DENND4C: variants seen among roughly 807,000 people sequenced by gnomAD.
The protein encoded by DENND4C is DENN domain-containing protein 4C.
In DENND4C, 108 loss-of-function variants were observed where a neutral mutation model predicts 203.0. The observed-to-expected ratio is 0.53, with a 90% CI of 0.46 to 0.62. The LOEUF (loss-of-function observed/expected upper bound fraction) is 0.62, where lower values mean the gene tolerates loss of function less well. Among genes scored for constraint, DENND4C ranks in the 20% least tolerant of loss-of-function variants. The pLI is 0.00. For synonymous variants in DENND4C, 871 were observed against 792.4 expected, an observed-to-expected ratio of 1.10 and a Z score of -1.67; for missense variants, 2,481 against 2,301.2, an observed-to-expected ratio of 1.08 and a Z score of -1.60.
intron 1 of DENND4C, among the ~76,000 whole-genome samples, chr9:19,257,218 C>T (rs112781579): frequency 1.3e-4 from 19 of 149,896 alleles, no homozygotes; most frequent in African/African-American, 3.9e-4. Context: ...AGGCCGGGTG[C>T]GGTGGCTTGC....
rs1009526321 is a variant in DENND4C, at chr9:19,301,249, A to C, written c.1311+918A>C. ...TTTATAGGCCATTGTATAGAACTTT[A>C]GATGGTCCACTTCTCCAACCCTATC... On this transcript the variant is annotated intron_variant, in intron 9 of 32. Transcript: ENST00000434457. 2.0e-5 allele frequency among the ~76,000 whole-genome samples: 3 copies of C among 151,990 alleles called. No individual in the cohort carries two copies. In the South Asian group the frequency reaches 6.2e-4, roughly 31 times the overall value.
chr9:19,261,368 G>GATTT, intron 1 of DENND4C, among the ~76,000 whole-genome samples: 1 of 149,722 alleles, frequency 6.7e-6, no homozygotes, highest in East Asian at 1.9e-4. Context: ...TAAATTTTAG[G>GATTT]ATTTATTTTT....
At chr9:19,249,243 C>T (rs551737877) in intron 1 of DENND4C, among the ~76,000 whole-genome samples, 7 of 151,702 alleles carry the variant, frequency 4.6e-5, no homozygotes, top group African/African-American at 1.4e-4. Flanking sequence ...ATTAATATAC[C>T]AGTAGTAATT....
At chr9:19,364,500 G>A (rs1827198571) in intron 30 of DENND4C, among the ~76,000 whole-genome samples, 1 of 152,038 alleles carries the variant, frequency 6.6e-6, no homozygotes, top group Non-Finnish European at 1.5e-5. Context: ...TTTGAGACAG[G>A]GTCATGTCTC....
intron 1 of DENND4C, among the ~76,000 whole-genome samples, chr9:19,251,419 G>A (rs1826558948): frequency 6.6e-6 from 1 of 152,228 alleles, no homozygotes; most frequent in Non-Finnish European, 1.5e-5. Flanking sequence ...TGATGGGAGA[G>A]GCTGCTGTGA....
At chr9:19,317,454 T>C (rs1233730868) in intron 12 of DENND4C, among the ~76,000 whole-genome samples, 1 of 152,224 alleles carries the variant, frequency 6.6e-6, no homozygotes. Context: ...TTTTAGGGAA[T>C]TATAGAGATT....
At chr9:19,291,000 A>G (rs1836178923) in intron 5 of DENND4C, 124 bp downstream of exon 5, 8 of 930,782 alleles carry the variant, frequency 8.6e-6, no homozygotes, top group Non-Finnish European at 7.8e-6. Flanking sequence ...TTAAATTTAC[A>G]CTGTCATCCC....
chr9:19,246,258 C>G (rs1825226835), intron 1 of DENND4C, among the ~76,000 whole-genome samples: 1 of 151,722 alleles, frequency 6.6e-6, no homozygotes, highest in Non-Finnish European at 1.5e-5. Flanking sequence ...TTCCTTGAAC[C>G]TGAGCAGTGG....
chr9:19,288,931 C>G (rs1034504437), intron 4 of DENND4C, among the ~76,000 whole-genome samples: 11 of 152,162 alleles, frequency 7.2e-5, no homozygotes, highest in Non-Finnish European at 1.2e-4. Context: ...AGCTTTTGGT[C>G]TACGTTAATA....
intron 1 of DENND4C, among the ~76,000 whole-genome samples, chr9:19,234,530 G>GT (rs34232597): frequency 0.49 from 51,393 of 104,412 alleles, 13,357 homozygotes; most frequent in South Asian, 0.68. Flanking sequence ...GCACCTGGCT[G>GT]TTTTTTTTTT....
At chr9:19,333,135 C>G (rs1819661154) in intron 17 of DENND4C, among the ~76,000 whole-genome samples, 1 of 151,962 alleles carries the variant, frequency 6.6e-6, no homozygotes, top group Non-Finnish European at 1.5e-5. Context: ...CTGCCTCAGC[C>G]TCCTGAGTAG....
chr9:19,311,428 CA>C (rs1445404384), intron 10 of DENND4C, among the ~76,000 whole-genome samples: 1 of 152,124 alleles, frequency 6.6e-6, no homozygotes, highest in Non-Finnish European at 1.5e-5. Context: ...GCCTGGCCCC[CA>C]CAAAGTTTAT....
rs1275971859 is a variant in DENND4C, at chr9:19,287,006, C to T, written c.543C>T (p.Asn181=). The T allele has an allele frequency of 4.1e-6, 5 of 1,232,020 alleles. No individual in the cohort carries two copies. Among genetic ancestry groups the T allele is most frequent in the Non-Finnish European group, 5.1e-6 (5 of 987,964 alleles). The allele number at this position is 1,232,020 out of a possible 1,614,324, so 76.3% of individuals were successfully genotyped here. The change falls in exon 3 of 33, where the codon AAC becomes AAT. Residue 181 remains asparagine (N), a synonymous_variant. Transcript: ENST00000434457. The part of the protein sequence containing the change: ...PPHTFCKVDK[N]LNCGMWGSSV... ...ATACCTTCTGCAAAGTTGACAAAAA[C>T]TTAAATTGTGGAATGGTAAGAATAA...
At chr9:19,363,526 G>A (rs1024813399) in intron 30 of DENND4C, among the ~76,000 whole-genome samples, 20 of 151,562 alleles carry the variant, frequency 1.3e-4, no homozygotes, top group African/African-American at 4.4e-4. Flanking sequence ...AAAAACATTA[G>A]TGCCCCACTC....
At chr9:19,279,945 A>G (rs1186428166) in intron 2 of DENND4C, among the ~76,000 whole-genome samples, 1 of 152,174 alleles carries the variant, frequency 6.6e-6, no homozygotes, top group African/African-American at 2.4e-5. Context: ...CCTTCCTCTC[A>G]GGGAATAACC....
chr9:19,296,094 G>C lies in DENND4C; in HGVS notation c.888G>C (p.Thr296=). 1 of 1,614,000 alleles carries C rather than the reference G, an allele frequency of 6.2e-7. No homozygotes were observed. Among genetic ancestry groups the C allele is most frequent in the Non-Finnish European group, 8.5e-7 (1 of 1,179,976 alleles). The change falls in exon 6 of 33, where the codon ACG becomes ACC. Residue 296 remains threonine (T), a synonymous_variant. Coordinates refer to ENST00000434457, the MANE Select transcript of DENND4C (RefSeq NM_001330640.2). ...EKQLMHLGLL[T]PVERKMVSKS... ...AGCTTATGCACCTGGGCTTGTTGAC[G>C]CCTGTGGAGAGAAAAATGGTCTCCA... is the stretch of plus-strand genomic sequence containing the variant.
Position 19,238,350 on chromosome 9 carries a change from G to A in DENND4C, c.-18+7517G>A, listed in dbSNP as rs533852053. Among the ~76,000 whole-genome samples, 13 of 151,850 alleles carry A rather than the reference G, an allele frequency of 8.6e-5. No homozygotes were observed. In the South Asian group the frequency reaches 1.7e-3, roughly 19 times the overall value. The stretch of plus-strand genomic sequence containing the variant: ...GCCGGCCTTGGCCTCCCAAAGTGCT[G>A]AGATTACAGATGTGAGCCACTGCGC... On this transcript the variant is annotated intron_variant, in intron 1 of 32. Coordinates refer to ENST00000434457, the MANE Select transcript of DENND4C (RefSeq NM_001330640.2).
intron 12 of DENND4C, among the ~76,000 whole-genome samples, chr9:19,317,874 C>T (rs1450448814): frequency 2.6e-5 from 4 of 152,172 alleles, no homozygotes; most frequent in Non-Finnish European, 5.9e-5. Context: ...TTTTGGAAGA[C>T]TTCGTGGAAG....
At chr9:19,310,630 A>G (rs182914129) in intron 10 of DENND4C, among the ~76,000 whole-genome samples, 1 of 152,154 alleles carries the variant, frequency 6.6e-6, no homozygotes, top group African/African-American at 2.4e-5. Context: ...TTCTACTTCT[A>G]TGTCATTAAA....
Sources: allele counts gnomAD v4.1 joint callset (sites outside exome capture counted in the v4.1 genomes callset), GRCh38; gene constraint gnomAD v4.1.1; transcripts MANE v1.5; gene names NCBI Gene and HGNC (gene_info 2026-07-23, HGNC 2026-07-21).